Variants in THBS2 observed in about 807,000 individuals in gnomAD.
The protein encoded by THBS2 is thrombospondin 2, also known as thrombospondin-2.
A neutral mutation model predicts 135.2 loss-of-function variants in THBS2; 47 were observed. The observed-to-expected ratio is 0.35, with a 90% CI of 0.28 to 0.44. The LOEUF is 0.44. THBS2 is among the 20% of genes least tolerant of loss of function. The pLI is 1.00. For synonymous variants in THBS2, 639 were observed against 633.8 expected (o/e 1.01, Z -0.12); for missense variants, 1,288 against 1,603.1 (o/e 0.80, Z 3.36).
chr6:169,219,925 ACT>A lies in THBS2; in HGVS notation c.3511+271_3511+272del, dbSNP rs200472296. On this transcript the variant is annotated intron_variant, in intron 21 of 21. Transcript: ENST00000617924. ...CCTGGAAGTGGAGGAAATCTAGGAA[ACT>A]CTAGGCTATGGCACAATGAGGATGG... is the stretch of plus-strand genomic sequence containing the variant. 1,722 of 586,836 alleles carry A rather than the reference ACT, an allele frequency of 2.9e-3. 25 individuals carry two copies. The highest frequency in any genetic ancestry group is 0.029 in the African/African-American group (1,571 of 53,988). The allele number at this position is 586,836 out of a possible 1,614,324, so 36.4% of individuals were successfully genotyped here.
At chr6:169,237,879 T>C in intron 7 of THBS2, 84 bp from the exon 8 acceptor site, 1 of 1,449,592 alleles carries the variant, frequency 6.9e-7, no homozygotes, top group East Asian at 2.5e-5. Context: ...GCAGCTGGCG[T>C]GGGGCCACAG....
rs781551028 is a variant in THBS2, at chr6:169,248,485, C to T, written c.541G>A (p.Glu181Lys). ...CGGCTCTTTTCCGCCTGCAGGTGCT[C>T]GTAGAAGGGCTCGTCCAGAGCGAAG... The part of the protein sequence containing the change: ...DSFALDEPFY[E>K]HLQAEKSRMY... The change falls in exon 3 of 22, where the codon GAG becomes AAG. Residue 181 changes from glutamate to lysine, a missense_variant. Glu to Lys is a moderately conservative substitution (Grantham distance 56). Transcript: ENST00000617924. 1.2e-6 allele frequency: 2 copies of T among 1,613,734 alleles called. No individual in the cohort carries two copies. Among genetic ancestry groups the T allele is most frequent in the Non-Finnish European group, 1.7e-6 (2 of 1,179,788 alleles).
intron 15 of THBS2, among the ~76,000 whole-genome samples, chr6:169,227,134 C>A (rs955097226): frequency 1.3e-5 from 2 of 152,258 alleles, no homozygotes; most frequent in South Asian, 2.1e-4. Context: ...CTGAGAAACC[C>A]GCTGTGAGAC....
Position 169,216,480 on chromosome 6 carries a change from A to G in THBS2, c.*1342T>C, listed in dbSNP as rs182539309. The G allele has an allele frequency of 6.7e-6, 1 of 148,780 alleles. No individual in the cohort carries two copies. The highest frequency in any genetic ancestry group is 2.0e-4 in the East Asian group (1 of 5,124). The allele number at this position is 148,780 out of a possible 1,614,324, so 9.2% of individuals were successfully genotyped here. On this transcript the variant is annotated 3_prime_UTR_variant, in exon 22 of 22. Coordinates refer to ENST00000617924, the MANE Select transcript of THBS2 (RefSeq NM_003247.5). ...TTGTGCATATTACACATGACTGATT[A>G]TTGGGTGTGCCTGGCAAGACTAAAT...
intron 12 of THBS2, among the ~76,000 whole-genome samples, 175 bp downstream of exon 12, chr6:169,232,489 C>T (rs111639812): frequency 1.3e-5 from 2 of 152,206 alleles, no homozygotes; most frequent in Non-Finnish European, 2.9e-5. Flanking sequence ...GCCCCGCACC[C>T]CGCGCGGAGA....
chr6:169,248,088 G>A (rs759919368), intron 3 of THBS2, among the ~76,000 whole-genome samples: 10 of 151,892 alleles, frequency 6.6e-5, no homozygotes, highest in Non-Finnish European at 1.3e-4. Context: ...CATGTGTGAT[G>A]TATATACATA....
intron 13 of THBS2, among the ~76,000 whole-genome samples, chr6:169,230,528 G>A (rs1375025663): frequency 3.3e-5 from 5 of 152,336 alleles, no homozygotes; most frequent in Non-Finnish European, 5.9e-5. Context: ...GCAATGGGGA[G>A]GATCCAGCAC....
At chr6:169,232,513 C>T (rs57999146) in intron 12 of THBS2, 151 bp downstream of exon 12, 2 of 1,329,442 alleles carry the variant, frequency 1.5e-6, no homozygotes, top group African/African-American at 1.5e-5. Context: ...GCGGCCCAGC[C>T]GAGCAGGTGC....
intron 7 of THBS2, 107 bp downstream of exon 7, chr6:169,239,492 G>A (rs760189232): frequency 1.1e-5 from 11 of 1,028,172 alleles, no homozygotes; most frequent in Non-Finnish European, 1.6e-5. Flanking sequence ...TGTACTCAGG[G>A]GGCTGAACCT....
chr6:169,242,972 C>T (rs1780401271), intron 4 of THBS2, among the ~76,000 whole-genome samples: 1 of 133,596 alleles, frequency 7.5e-6, no homozygotes, highest in Non-Finnish European at 1.6e-5. Context: ...ACTGCTCCCA[C>T]CTTCCCACCT....
At chr6:169,220,615 T>C (rs1779389476) in intron 20 of THBS2, among the ~76,000 whole-genome samples, 2 of 152,190 alleles carry the variant, frequency 1.3e-5, no homozygotes, top group African/African-American at 4.8e-5. Flanking sequence ...GAGGAGACTC[T>C]ACCTTTGGTG....
intron 10 of THBS2, among the ~76,000 whole-genome samples, chr6:169,233,976 C>T (rs1779944546): frequency 1.3e-5 from 2 of 150,968 alleles, no homozygotes; most frequent in Admixed American, 1.3e-4. Flanking sequence ...TAACTACATG[C>T]AAGGTGACAC....
At chr6:169,218,558 G>A (rs1344861074) in intron 21 of THBS2, among the ~76,000 whole-genome samples, 97 of 145,136 alleles carry the variant, frequency 6.7e-4, no homozygotes, top group Non-Finnish European at 1.2e-3. Flanking sequence ...ATGGATAGGT[G>A]GATGGGGCTG....
At chr6:169,237,932 C>G in intron 7 of THBS2, 137 bp from the exon 8 acceptor site, 1 of 1,143,846 alleles carries the variant, frequency 8.7e-7, no homozygotes, top group Non-Finnish European at 1.2e-6. Flanking sequence ...CTGGCTGGGG[C>G]AGGTGGACAT....
At chr6:169,226,386 G>T in intron 15 of THBS2, 88 bp from the exon 16 acceptor site, 1 of 972,568 alleles carries the variant, frequency 1.0e-6, no homozygotes. Context: ...CCTATCACAC[G>T]AAATTGCTTA....
At chr6:169,245,104 T>G (rs1454547905) in intron 4 of THBS2, among the ~76,000 whole-genome samples, 1 of 152,246 alleles carries the variant, frequency 6.6e-6, no homozygotes, top group African/African-American at 2.4e-5. Context: ...TGAAATGGCC[T>G]GGCCTTCGTG....
intron 20 of THBS2, 127 bp downstream of exon 20, chr6:169,221,303 T>C (rs1301910421): frequency 2.6e-6 from 2 of 757,352 alleles, no homozygotes; most frequent in African/African-American, 1.7e-5. Flanking sequence ...AAGCAGTTAA[T>C]GACGAAGAAT....
At position 169,223,247 on chromosome 6, in the gene THBS2, C is replaced by G; in HGVS notation, c.3001+1G>C. 6.2e-7 allele frequency: 1 copy of G among 1,613,086 alleles called. No homozygotes were observed. On this transcript the variant is annotated splice_donor_variant, in intron 18 of 21. Coordinates refer to ENST00000617924, the MANE Select transcript of THBS2 (RefSeq NM_003247.5). LOFTEE classifies it high-confidence loss of function. ...ACCACCGCCGTGTCTCAGAGACTCA[C>G]CTACAGCGATGCCGGGGTCCGAGTT...
At chr6:169,237,440 G>T in intron 8 of THBS2, 94 bp from the exon 9 acceptor site, 6 of 1,528,998 alleles carry the variant, frequency 3.9e-6, no homozygotes, top group South Asian at 1.1e-5. Context: ...GCATCTCACA[G>T]CTGCTGAGGA....
Sources: allele counts gnomAD v4.1 joint callset (sites outside exome capture counted in the v4.1 genomes callset), GRCh38; gene constraint gnomAD v4.1.1; transcripts MANE v1.5; gene names NCBI Gene and HGNC (gene_info 2026-07-23, HGNC 2026-07-21).